Variants in KLHDC4 observed in about 807,000 individuals in gnomAD.
KLHDC4 encodes kelch domain-containing protein 4.
In KLHDC4, 90 loss-of-function variants were observed where a neutral mutation model predicts 62.4. The observed-to-expected ratio is 1.44, with a 90% CI of 1.22 to 1.72. The LOEUF (loss-of-function observed/expected upper bound fraction) is 1.72. KLHDC4 is among the 40% of genes most tolerant of loss of function. The pLI is 0.00. For missense variants in KLHDC4, 1,025 were observed against 699.7 expected, an observed-to-expected ratio of 1.47 and a Z score of -5.25; for synonymous variants, 386 against 284.4, an observed-to-expected ratio of 1.36 and a Z score of -3.59.
rs1423227394 is a variant in KLHDC4, at chr16:87,709,762, C to A, written c.1045-95G>T. 4.3e-6 allele frequency: 6 copies of A among 1,381,974 alleles called. No individual in the cohort carries two copies. In the East Asian group the frequency reaches 1.3e-4, roughly 29 times the overall value. The allele number at this position is 1,381,974 out of a possible 1,614,324, so 85.6% of individuals were successfully genotyped here. On this transcript the variant is annotated intron_variant, in intron 9 of 11. Transcript: ENST00000270583. ...AAGGCCAGGCAAGGGTTTGCGGGGA[C>A]CACCCACAAGCGTGGGGAGTGTGTG...
At chr16:87,761,822 G>T in intron 2 of KLHDC4, 127 bp downstream of exon 2, 1 of 921,764 alleles carries the variant, frequency 1.1e-6, no homozygotes, top group Non-Finnish European at 1.7e-6. Context: ...AAGTGACCAA[G>T]AACAGGTTTT....
At chr16:87,736,026 C>A (rs1158377281) in intron 5 of KLHDC4, among the ~76,000 whole-genome samples, 2 of 152,236 alleles carry the variant, frequency 1.3e-5, no homozygotes, top group East Asian at 3.8e-4. Context: ...ACAGTCTACA[C>A]CTTACAAAAT....
rs373952572 is a variant in KLHDC4, at chr16:87,748,696, G to A, written c.483C>T (p.Ala161=). 5.0e-6 allele frequency: 8 copies of A among 1,613,622 alleles called. No individual in the cohort carries two copies. Among genetic ancestry groups the A allele is most frequent in the Non-Finnish European group, 6.8e-6 (8 of 1,179,924 alleles). ...HYKDLWVLHL[A]TKTWEQVKST... The stretch of plus-strand genomic sequence containing the variant: ...ACTTGACTTGTTCCCAGGTCTTGGT[G>A]GCCAAATGCAGGACCCAGAGATCCT... The change falls in exon 5 of 12, where the codon GCC becomes GCT. Residue 161 remains alanine (A), a synonymous_variant. Transcript: ENST00000270583.
intron 4 of KLHDC4, among the ~76,000 whole-genome samples, chr16:87,754,770 C>T (rs2044596034): frequency 6.6e-6 from 1 of 152,220 alleles, no homozygotes; most frequent in South Asian, 2.1e-4. Context: ...TAACCACGTG[C>T]TAAGTCAGTG....
chr16:87,742,912 T>C (rs888916431), intron 5 of KLHDC4: 1 of 152,236 alleles, frequency 6.6e-6, no homozygotes. Flanking sequence ...GCCGCAGCTG[T>C]AGTCCAGTGT....
At chr16:87,744,046 A>AG (rs1025638919) in intron 5 of KLHDC4, among the ~76,000 whole-genome samples, 84 of 152,126 alleles carry the variant, frequency 5.5e-4, no homozygotes, top group Non-Finnish European at 1.0e-3. Context: ...TGGGAGGCCG[A>AG]GGGGGGCAGA....
downstream of KLHDC4, among the ~76,000 whole-genome samples, chr16:87,704,095 C>T (rs973047233): frequency 2.6e-5 from 4 of 152,216 alleles, no homozygotes; most frequent in Admixed American, 6.5e-5. Flanking sequence ...CACCATCCCC[C>T]GCTCCTTCTG....
intron 5 of KLHDC4, among the ~76,000 whole-genome samples, chr16:87,736,134 G>A (rs182960294): frequency 2.0e-5 from 3 of 152,270 alleles, no homozygotes; most frequent in Admixed American, 2.0e-4. Context: ...CCGAGTGCAC[G>A]CACACACTTC....
downstream of KLHDC4, among the ~76,000 whole-genome samples, chr16:87,705,625 C>A (rs1341921347): frequency 3.3e-5 from 5 of 152,254 alleles, no homozygotes; most frequent in East Asian, 3.8e-4. Context: ...TAATCAGTTA[C>A]AAGCTCCTCT....
chr16:87,731,959 G>A (rs1427727473), intron 5 of KLHDC4, among the ~76,000 whole-genome samples: 1 of 152,234 alleles, frequency 6.6e-6, no homozygotes, highest in African/African-American at 2.4e-5. Context: ...ATGCACACGA[G>A]CGTCTTAAAG....
intron 3 of KLHDC4, chr16:87,755,657 C>T (rs186875795): frequency 5.6e-4 from 109 of 193,000 alleles, no homozygotes; most frequent in Non-Finnish European, 2.3e-4. Flanking sequence ...ACCTCCGCCT[C>T]CCAGGTGCAA....
intron 2 of KLHDC4, among the ~76,000 whole-genome samples, chr16:87,757,092 G>C (rs1003081375): frequency 6.6e-6 from 1 of 151,916 alleles, no homozygotes; most frequent in Non-Finnish European, 1.5e-5. Context: ...TGGGATTACA[G>C]GTGTGAGCCA....
chr16:87,741,451 C>T (rs2042228355), intron 5 of KLHDC4, among the ~76,000 whole-genome samples: 1 of 152,196 alleles, frequency 6.6e-6, no homozygotes. Context: ...CTGTTGTGGG[C>T]TGCACACACC....
chr16:87,722,680 A>G (rs2038622086), intron 7 of KLHDC4, among the ~76,000 whole-genome samples: 1 of 152,184 alleles, frequency 6.6e-6, no homozygotes, highest in Non-Finnish European at 1.5e-5. Context: ...ACGCAGGGGG[A>G]TGGAAACTGG....
chr16:87,735,466 C>A (rs60706502), intron 5 of KLHDC4, among the ~76,000 whole-genome samples: 4 of 152,196 alleles, frequency 2.6e-5, no homozygotes, highest in Admixed American at 2.0e-4. Context: ...CCCCCCGCTG[C>A]CCTAACTGCG....
chr16:87,741,076 C>CG (rs2042166653), intron 5 of KLHDC4: 1 of 152,078 alleles, frequency 6.6e-6, no homozygotes, highest in Non-Finnish European at 1.5e-5. Flanking sequence ...ACCATTATGA[C>CG]GTCAAGTATA....
At chr16:87,706,384 T>TG (rs902021643), downstream of KLHDC4, among the ~76,000 whole-genome samples, 10 of 44,688 alleles carry the variant, frequency 2.2e-4, no homozygotes, top group African/African-American at 6.1e-4. Flanking sequence ...GGGGTCGGCG[T>TG]GGGGGGGTTG....
chr16:87,701,880 A>G (rs747541156), exon 1 of KLHDC4: 2 of 456,364 alleles, frequency 4.4e-6, no homozygotes, highest in South Asian at 1.5e-5. Context: ...CTTCGAGCCC[A>G]GGGAGTGGAG....
chr16:87,759,348 C>T (rs2045512088), intron 2 of KLHDC4, among the ~76,000 whole-genome samples: 1 of 150,650 alleles, frequency 6.6e-6, no homozygotes. Flanking sequence ...CAGCCTGACT[C>T]CAGAGGTTGC....
Sources: allele counts gnomAD v4.1 joint callset (sites outside exome capture counted in the v4.1 genomes callset), GRCh38; gene constraint gnomAD v4.1.1; transcripts MANE v1.5; gene names NCBI Gene and HGNC (gene_info 2026-07-23, HGNC 2026-07-21).